Variants in MTR observed in about 807,000 individuals in gnomAD.
MTR encodes methionine synthase.
A neutral mutation model predicts 154.8 loss-of-function variants in MTR; 84 were observed. The ratio of observed to expected loss-of-function variants is 0.54; its 90% CI spans 0.45 to 0.65. MTR has a LOEUF of 0.65. MTR is among the 30% of genes least tolerant of loss of function. MTR has a pLI of 0.00. For synonymous variants in MTR, 554 were observed against 553.9 expected (o/e 1.00, Z 0.00); for missense variants, 1,275 against 1,570.2 (o/e 0.81, Z 3.18).
At chr1:236,837,154 A>G (rs1359380758) in intron 14 of MTR, among the ~76,000 whole-genome samples, 1 of 152,216 alleles carries the variant, frequency 6.6e-6, no homozygotes, top group East Asian at 1.9e-4. Context: ...ACACCAAACT[A>G]TCAGCAAGCA....
chr1:236,845,995 G>T (rs1249005552), intron 15 of MTR, among the ~76,000 whole-genome samples: 1 of 152,198 alleles, frequency 6.6e-6, no homozygotes, highest in African/African-American at 2.4e-5. Context: ...AGGCACACCA[G>T]CTTTGTTTCA....
intron 11 of MTR, among the ~76,000 whole-genome samples, chr1:236,827,340 C>T (rs565622949): frequency 6.6e-6 from 1 of 152,290 alleles, no homozygotes; most frequent in South Asian, 2.1e-4. Context: ...GCAGCCCTTC[C>T]TAACAAGCTC....
rs1287203690 is a variant in MTR at position 236,796,198 on chromosome 1, A to G, written c.34+461A>G. ...TTAAAACTACTACATGGAACTTTTT[A>G]TTTTCTGCTTCTACGCACGCTGCTG... On this transcript the variant is annotated intron_variant, in intron 1 of 32. Coordinates refer to ENST00000366577, the MANE Select transcript of MTR (RefSeq NM_000254.3). Among the ~76,000 whole-genome samples the G allele has an allele frequency of 2.6e-5, 4 of 152,246 alleles. No homozygotes were observed. The East Asian group carries it at 7.7e-4, about 29-fold the overall frequency.
chr1:236,873,592 T>C (rs1193960678), intron 22 of MTR, among the ~76,000 whole-genome samples, 181 bp from the exon 23 acceptor site: 1 of 152,244 alleles, frequency 6.6e-6, no homozygotes, highest in Non-Finnish European at 1.5e-5. Flanking sequence ...GCCTGGCGTA[T>C]ATGTAGTAAG....
intron 32 of MTR, among the ~76,000 whole-genome samples, 192 bp downstream of exon 32, chr1:236,897,310 G>GCACACACACA (rs57786802): frequency 1.3e-3 from 164 of 128,652 alleles, no homozygotes; most frequent in African/African-American, 4.0e-3. Flanking sequence ...CCACACACAC[G>GCACACACACA]CACACACACA....
chr1:236,806,001 C>T, intron 2 of MTR, 143 bp from the exon 3 acceptor site: 3 of 722,554 alleles, frequency 4.2e-6, no homozygotes, highest in Admixed American at 4.3e-5. Context: ...CTTTTTGCAT[C>T]TCTACCTTCT....
intron 12 of MTR, among the ~76,000 whole-genome samples, 200 bp from the exon 13 acceptor site, chr1:236,831,766 G>A (rs908062684): frequency 6.6e-6 from 1 of 152,218 alleles, no homozygotes; most frequent in African/African-American, 2.4e-5. Flanking sequence ...GGTTGTAAAT[G>A]TAGTTGTAAC....
chr1:236,852,645 AG>A lies in MTR; in HGVS notation c.1812+9del. ...CTTTACCATGCAATCAAGGTATGGT[AG>A]AAGAACTCTTAGCCCTGCGGAAACC... On this transcript the variant is annotated intron_variant, in intron 17 of 32. Coordinates refer to ENST00000366577, the MANE Select transcript of MTR (RefSeq NM_000254.3). 2 of 1,610,104 alleles carry A rather than the reference AG, an allele frequency of 1.2e-6. No homozygotes were observed. The highest frequency in any genetic ancestry group is 2.2e-5 in the South Asian group (2 of 91,006).
intron 15 of MTR, among the ~76,000 whole-genome samples, chr1:236,847,846 C>G (rs747367040): frequency 5.9e-5 from 9 of 152,190 alleles, no homozygotes; most frequent in Admixed American, 2.0e-4. Flanking sequence ...AGCTGCCATT[C>G]CGTTGTTTTA....
At chr1:236,835,315 A>G (rs537634932) in intron 13 of MTR, among the ~76,000 whole-genome samples, 1 of 152,194 alleles carries the variant, frequency 6.6e-6, no homozygotes, top group East Asian at 1.9e-4. Flanking sequence ...TCTTTATGGT[A>G]GGAAAACAGC....
chr1:236,874,933 A>AT, intron 24 of MTR, 87 bp downstream of exon 24: 1 of 1,454,804 alleles, frequency 6.9e-7, no homozygotes, highest in African/African-American at 1.4e-5. Flanking sequence ...GTTGTTTTGG[A>AT]TTTTCCCTTA....
At chr1:236,873,969 A>G in intron 23 of MTR, 129 bp downstream of exon 23, 1 of 899,752 alleles carries the variant, frequency 1.1e-6, no homozygotes, top group Non-Finnish European at 1.8e-6. Context: ...ATCAAGTGCC[A>G]GCTCCTGCAC....
intron 4 of MTR, among the ~76,000 whole-genome samples, chr1:236,809,161 C>T (rs1361310511): frequency 6.6e-6 from 1 of 152,174 alleles, no homozygotes; most frequent in South Asian, 2.1e-4. Context: ...TAATTGATCT[C>T]ATTTTTTTAA....
intron 1 of MTR, 104 bp from the exon 2 acceptor site, chr1:236,803,324 A>G (rs1339499908): frequency 3.5e-6 from 4 of 1,140,486 alleles, no homozygotes; most frequent in Non-Finnish European, 5.2e-6. Flanking sequence ...TATAAACTCC[A>G]TTTACTCCTT....
At chr1:236,860,253 C>T (rs1033530272) in intron 19 of MTR, among the ~76,000 whole-genome samples, 2 of 152,056 alleles carry the variant, frequency 1.3e-5, no homozygotes, top group Admixed American at 6.6e-5. Flanking sequence ...TTAGTAGCGC[C>T]GAGGCTGCGA....
intron 18 of MTR, among the ~76,000 whole-genome samples, chr1:236,854,161 A>C (rs1244955617): frequency 6.6e-6 from 1 of 152,216 alleles, no homozygotes; most frequent in Admixed American, 6.5e-5. Context: ...AGGATAGGAC[A>C]CTATGAGATT....
At chr1:236,866,982 G>A (rs1664855994) in intron 22 of MTR, among the ~76,000 whole-genome samples, 1 of 152,216 alleles carries the variant, frequency 6.6e-6, no homozygotes, top group Admixed American at 6.5e-5. Flanking sequence ...TAACATAATG[G>A]TACAAGGTGA....
intron 15 of MTR, among the ~76,000 whole-genome samples, chr1:236,839,720 A>G (rs563007530): frequency 6.6e-6 from 1 of 152,324 alleles, no homozygotes; most frequent in East Asian, 1.9e-4. Context: ...GAATCTAGTA[A>G]TAAGGTTGAG....
intron 32 of MTR, among the ~76,000 whole-genome samples, 165 bp from the exon 33 acceptor site, chr1:236,897,393 A>T (rs1666722428): frequency 1.3e-5 from 2 of 151,920 alleles, no homozygotes; most frequent in Non-Finnish European, 2.9e-5. Context: ...CTGCCCAGAG[A>T]AAAAGGCAAC....
Sources: allele counts gnomAD v4.1 joint callset (sites outside exome capture counted in the v4.1 genomes callset), GRCh38; gene constraint gnomAD v4.1.1; transcripts MANE v1.5; gene names NCBI Gene and HGNC (gene_info 2026-07-23, HGNC 2026-07-21).